Variants in TMEM71 observed in about 807,000 individuals in gnomAD.
TMEM71 encodes transmembrane protein 71.
Under a neutral mutation model 38.0 loss-of-function variants are expected in TMEM71, and 44 were observed. The observed-to-expected ratio is 1.16, with a 90% CI of 0.91 to 1.49. The LOEUF is 1.49. Ranked by LOEUF, TMEM71 falls within the 40% of genes most tolerant of loss-of-function variation. TMEM71 has a pLI of 0.00. For missense variants in TMEM71, 367 were observed against 348.6 expected (o/e 1.05, Z -0.42); for synonymous variants, 133 against 122.5 (o/e 1.09, Z -0.56).
rs576165410 is a variant in TMEM71, at chr8:132,713,863, A to C, written c.872+132T>G. 2.4e-5 allele frequency: 19 copies of C among 808,296 alleles called. No individual in the cohort carries two copies. In the South Asian group the frequency reaches 2.9e-4, roughly 12 times the overall value. 50.1% of individuals were successfully genotyped at this position (808,296 alleles called of 1,614,324 possible). ...TACTATTAAATTTTAGCAGTAACAGAAAGTAGTCTTCAGGACGAATGATCA... is the reference window on the plus strand; with the variant it reads ...TACTATTAAATTTTAGCAGTAACAGCAAGTAGTCTTCAGGACGAATGATCA... On this transcript the variant is annotated intron_variant, in intron 9 of 9. Coordinates refer to ENST00000677595, the MANE Select transcript of TMEM71 (RefSeq NM_001382403.1).
chr8:132,734,556 A>C (rs1827640079), intron 5 of TMEM71, among the ~76,000 whole-genome samples: 1 of 152,216 alleles, frequency 6.6e-6, no homozygotes, highest in African/African-American at 2.4e-5. Context: ...AGTTGGATGA[A>C]ATAAAAAATA....
rs1826202957 is a variant in TMEM71, at chr8:132,710,986, G to T, written c.873-4C>A. ...TGGTTGTCAAATTTTGACAAACCTA[G>T]ATTGGAGAAATAAGAAAAGAAATGC... On this transcript the variant is annotated splice_polypyrimidine_tract_variant and splice_region_variant and intron_variant, in intron 9 of 9. Coordinates refer to ENST00000677595, the MANE Select transcript of TMEM71 (RefSeq NM_001382403.1). 6.2e-7 allele frequency: 1 copy of T among 1,606,734 alleles called. No individual in the cohort carries two copies. The highest frequency in any genetic ancestry group is 8.5e-7 in the Non-Finnish European group (1 of 1,177,786).
intron 6 of TMEM71, among the ~76,000 whole-genome samples, chr8:132,727,259 A>AT (rs769270352): frequency 2.2e-3 from 305 of 139,986 alleles, no homozygotes; most frequent in Middle Eastern, 4.1e-3. Flanking sequence ...TATTCTCAGA[A>AT]TTTTTTTTTT....
rs1048987842 is a variant in TMEM71, at chr8:132,728,044, G to C, written c.488-58C>G. The C allele has an allele frequency of 1.7e-5, 20 of 1,186,704 alleles. No individual in the cohort carries two copies. The African/African-American group carries it at 3.4e-4, about 20-fold the overall frequency. The allele number at this position is 1,186,704 out of a possible 1,614,324, so 73.5% of individuals were successfully genotyped here. ...TGTGTGTGTGTGTGTGTGTGTGTGTGTGTGTTCAGTGACTGCTCAATGCAC... is the reference window on the plus strand; with the variant it reads ...TGTGTGTGTGTGTGTGTGTGTGTGTCTGTGTTCAGTGACTGCTCAATGCAC... On this transcript the variant is annotated intron_variant, in intron 5 of 9. Coordinates refer to ENST00000677595, the MANE Select transcript of TMEM71 (RefSeq NM_001382403.1).
intron 5 of TMEM71, among the ~76,000 whole-genome samples, chr8:132,731,785 G>C (rs1392570521): frequency 6.6e-6 from 1 of 152,314 alleles, no homozygotes; most frequent in African/African-American, 2.4e-5. Context: ...GAACTTCAAG[G>C]GGAACAAGCA....
At chr8:132,715,242 T>C (rs1405098682) in intron 7 of TMEM71, among the ~76,000 whole-genome samples, 1 of 144,474 alleles carries the variant, frequency 6.9e-6, no homozygotes, top group South Asian at 2.2e-4. Flanking sequence ...CTGTCTCCAC[T>C]AAAAATGCAA....
chr8:132,752,058 C>G, intron 3 of TMEM71, 61 bp from the exon 4 acceptor site: 1 of 1,381,564 alleles, frequency 7.2e-7, no homozygotes. Context: ...CCCAAATAAA[C>G]CATGTCTCAT....
chr8:132,715,409 CAAAAAAAAA>C (rs975995287), intron 7 of TMEM71, among the ~76,000 whole-genome samples: 10 of 21,572 alleles, frequency 4.6e-4, no homozygotes, highest in Admixed American at 2.6e-3. Flanking sequence ...GACTCCGTCT[CAAAAAAAAA>C]AAAAAAAAAA....
intron 5 of TMEM71, among the ~76,000 whole-genome samples, chr8:132,739,191 A>G (rs1827905293): frequency 6.6e-6 from 1 of 152,252 alleles, no homozygotes; most frequent in African/African-American, 2.4e-5. Context: ...TTCGGCCTGC[A>G]CTATGAGGGA....
In TMEM71 at chr8:132,726,011, C is replaced by T. The variant is rs543757609; in HGVS notation, c.676+1787G>A. On this transcript the variant is annotated intron_variant, in intron 6 of 9. Transcript: ENST00000677595. ...AATTGGTCCACCAGTAATGAAGCAT[C>T]ATCTCTGTGCCTATGTGGGCATTTT... is the stretch of plus-strand genomic sequence containing the variant. Among the ~76,000 whole-genome samples, 28 of 152,338 alleles carry T rather than the reference C, an allele frequency of 1.8e-4. No homozygotes were observed. The South Asian group carries it at 5.8e-3, about 32-fold the overall frequency.
chr8:132,711,213 A>G (rs1826217074), intron 9 of TMEM71, among the ~76,000 whole-genome samples: 2 of 152,192 alleles, frequency 1.3e-5, no homozygotes, highest in African/African-American at 2.4e-5. Context: ...CTGAAAGACT[A>G]TAGAGGTTTT....
At chr8:132,728,122 C>T in intron 5 of TMEM71, 136 bp from the exon 6 acceptor site, 1 of 599,764 alleles carries the variant, frequency 1.7e-6, no homozygotes, top group Non-Finnish European at 2.7e-6. Flanking sequence ...TATTGCACTA[C>T]CATAGTGGGA....
At chr8:132,747,253 C>T in intron 4 of TMEM71, 139 bp from the exon 5 acceptor site, 3 of 770,874 alleles carry the variant, frequency 3.9e-6, no homozygotes, top group South Asian at 4.5e-5. Flanking sequence ...CAAAATTCTA[C>T]TGTGTGCCAG....
intron 5 of TMEM71, among the ~76,000 whole-genome samples, chr8:132,730,116 GC>G (rs889281976): frequency 4.6e-5 from 7 of 152,072 alleles, no homozygotes; most frequent in African/African-American, 1.7e-4. Context: ...GTGCCACCAT[GC>G]CCAGCTAATT....
At chr8:132,747,751 T>C (rs943287602) in intron 4 of TMEM71, among the ~76,000 whole-genome samples, 1 of 152,272 alleles carries the variant, frequency 6.6e-6, no homozygotes, top group East Asian at 1.9e-4. Context: ...ATCTGACCTG[T>C]TTATTGAGGA....
Position 132,714,221 on chromosome 8 carries a change from A to G in TMEM71, c.753-6T>C. 1 of 1,607,702 alleles carries G rather than the reference A, an allele frequency of 6.2e-7. No homozygotes were observed. Among genetic ancestry groups the G allele is most frequent in the Non-Finnish European group, 8.5e-7 (1 of 1,175,764 alleles). ...ATATTTCTCCCATAAACCATCTGAA[A>G]CAACAAGATTGCTCTGATTTAGCAT... On this transcript the variant is annotated splice_polypyrimidine_tract_variant and splice_region_variant and intron_variant, in intron 7 of 9. Coordinates refer to ENST00000677595, the MANE Select transcript of TMEM71 (RefSeq NM_001382403.1).
chr8:132,719,929 G>A (rs140708445), intron 7 of TMEM71, among the ~76,000 whole-genome samples: 174 of 152,192 alleles, frequency 1.1e-3, no homozygotes, highest in Non-Finnish European at 1.8e-3. Context: ...TAGTCATTGC[G>A]TCTGCTAGGC....
chr8:132,762,462 A>C (rs1326682593), upstream of TMEM71, among the ~76,000 whole-genome samples: 1 of 151,322 alleles, frequency 6.6e-6, no homozygotes, highest in African/African-American at 2.4e-5. Flanking sequence ...AGCTCACATC[A>C]GAAAGACTTT....
intron 3 of TMEM71, among the ~76,000 whole-genome samples, chr8:132,753,751 T>C (rs910197421): frequency 2.0e-5 from 3 of 152,168 alleles, no homozygotes; most frequent in African/African-American, 7.2e-5. Flanking sequence ...ACTGTTTCCT[T>C]ATCTGTAAAA....
Sources: gnomAD v4.1 joint callset for allele counts (sites outside exome capture counted in the v4.1 genomes callset) on GRCh38, gnomAD v4.1.1 for gene constraint, MANE v1.5 for transcripts, NCBI Gene and HGNC (gene_info 2026-07-23, HGNC 2026-07-21) for gene names.